The following KIAA0825 variants were observed in gnomAD, a reference collection of about 807,000 sequenced individuals.
The protein encoded by KIAA0825 is uncharacterized protein KIAA0825.
KIAA0825 carries 119 observed loss-of-function variants against 147.6 expected under a neutral mutation model. That is an observed-to-expected ratio of 0.81 (90% CI 0.69 to 0.94). The LOEUF is 0.94. KIAA0825 is among the 40% of genes least tolerant of loss of function. The pLI is 0.00. For synonymous variants in KIAA0825, 470 were observed against 518.1 expected (o/e 0.91, Z 1.26); for missense variants, 1,381 against 1,472.7 (o/e 0.94, Z 1.02).
At chr5:94,465,183 C>A in intron 10 of KIAA0825, 124 bp from the exon 11 acceptor site, 1 of 789,304 alleles carries the variant, frequency 1.3e-6, no homozygotes. Context: ...ACTAGAAGAC[C>A]AACAAAGATT....
At chr5:94,241,009 A>T (rs1168073748) in intron 20 of KIAA0825, among the ~76,000 whole-genome samples, 1 of 152,192 alleles carries the variant, frequency 6.6e-6, no homozygotes, top group Non-Finnish European at 1.5e-5. Context: ...TATTGCTGAT[A>T]GTTTTGTGCC....
intron 20 of KIAA0825, among the ~76,000 whole-genome samples, chr5:94,155,652 C>T (rs1391264129): frequency 6.6e-6 from 1 of 152,088 alleles, no homozygotes; most frequent in Non-Finnish European, 1.5e-5. Context: ...AAAAGTGACA[C>T]CTGGTTTCAA....
chr5:94,401,476 T>C (rs1751366548), intron 16 of KIAA0825, among the ~76,000 whole-genome samples: 1 of 152,098 alleles, frequency 6.6e-6, no homozygotes, highest in South Asian at 2.1e-4. Flanking sequence ...GAGTCTGTAA[T>C]ACAAAGGACA....
chr5:94,369,627 A>G (rs963418705), intron 20 of KIAA0825, among the ~76,000 whole-genome samples: 2 of 152,218 alleles, frequency 1.3e-5, no homozygotes, highest in African/African-American at 4.8e-5. Context: ...AAGGGGAGAT[A>G]AATGTAACTG....
chr5:94,394,578 T>C (rs1043375651), intron 17 of KIAA0825, among the ~76,000 whole-genome samples: 1 of 152,210 alleles, frequency 6.6e-6, no homozygotes, highest in Non-Finnish European at 1.5e-5. Context: ...TATGTACCCC[T>C]AGGTATATTA....
intron 3 of KIAA0825, among the ~76,000 whole-genome samples, chr5:94,524,971 TC>T (rs2151245518): frequency 6.6e-6 from 1 of 151,914 alleles, no homozygotes; most frequent in South Asian, 2.1e-4. Flanking sequence ...TGATTATAAA[TC>T]TTTGTGGGGT....
chr5:94,383,176 C>G (rs1748657046), intron 20 of KIAA0825, among the ~76,000 whole-genome samples: 1 of 152,162 alleles, frequency 6.6e-6, no homozygotes, highest in African/African-American at 2.4e-5. Flanking sequence ...AGGTGGTAAG[C>G]TTGCTGGGGA....
chr5:94,516,801 A>AAAAAG lies in KIAA0825; in HGVS notation c.970+3442_970+3446dup, dbSNP rs1421236107. On this transcript the variant is annotated intron_variant, in intron 5 of 20. Coordinates refer to ENST00000682413, the MANE Select transcript of KIAA0825 (RefSeq NM_001145678.3). ...CGAGACTCCGTCTCAAAAAAAAAAA[A>AAAAAG]AAAAGAAAAGAAAACGTGGCCAGGC... 2.2e-4 allele frequency among the ~76,000 whole-genome samples: 32 copies of AAAAAG among 147,578 alleles called. No individual in the cohort carries two copies. The South Asian group carries it at 6.7e-3, about 31-fold the overall frequency.
At chr5:94,484,953 C>G in intron 5 of KIAA0825, 23 bp from the exon 6 acceptor site, 3 of 1,417,826 alleles carry the variant, frequency 2.1e-6, no homozygotes, top group Non-Finnish European at 2.8e-6. Context: ...AAGATCAATA[C>G]TGTCATACAT....
chr5:94,429,868 G>A (rs996359007), intron 14 of KIAA0825, among the ~76,000 whole-genome samples: 16 of 152,220 alleles, frequency 1.1e-4, no homozygotes, highest in Admixed American at 7.2e-4. Flanking sequence ...GCCTAAACTT[G>A]TAATCTAGGA....
chr5:94,580,554 T>C (rs1781896978), intron 2 of KIAA0825, among the ~76,000 whole-genome samples: 1 of 151,690 alleles, frequency 6.6e-6, no homozygotes, highest in African/African-American at 2.4e-5. Flanking sequence ...GCTGCTCCTT[T>C]GTCTGCTGTG....
intron 20 of KIAA0825, among the ~76,000 whole-genome samples, chr5:94,197,999 T>C (rs1771301282): frequency 6.6e-6 from 1 of 152,228 alleles, no homozygotes; most frequent in African/African-American, 2.4e-5. Flanking sequence ...TTTTTCTAGT[T>C]CTGTGTAAAA....
At chr5:94,203,032 T>C (rs1434572799) in intron 20 of KIAA0825, among the ~76,000 whole-genome samples, 1 of 152,226 alleles carries the variant, frequency 6.6e-6, no homozygotes, top group Non-Finnish European at 1.5e-5. Context: ...GTTTTAATGA[T>C]GGCATCCATG....
At chr5:94,442,746 T>C (rs1376998258) in intron 13 of KIAA0825, among the ~76,000 whole-genome samples, 1 of 152,174 alleles carries the variant, frequency 6.6e-6, no homozygotes, top group Non-Finnish European at 1.5e-5. Flanking sequence ...TATATTATGC[T>C]TGAGTTGAGT....
intron 20 of KIAA0825, among the ~76,000 whole-genome samples, chr5:94,206,500 A>G (rs924323525): frequency 4.6e-5 from 7 of 152,162 alleles, no homozygotes; most frequent in African/African-American, 1.7e-4. Context: ...TTTTGCTGAT[A>G]CAGTAAGCAG....
intron 20 of KIAA0825, among the ~76,000 whole-genome samples, chr5:94,188,324 T>C (rs1770348912): frequency 6.6e-6 from 1 of 152,234 alleles, no homozygotes; most frequent in Non-Finnish European, 1.5e-5. Context: ...AATTTGTAAG[T>C]ATTTGGACCT....
chr5:94,540,555 A>G (rs1429518774), intron 2 of KIAA0825, among the ~76,000 whole-genome samples: 4 of 152,156 alleles, frequency 2.6e-5, no homozygotes, highest in African/African-American at 9.7e-5. Flanking sequence ...CTGTGTATTT[A>G]TATGTGTTGT....
chr5:94,194,713 C>G (rs1371336629), intron 20 of KIAA0825, among the ~76,000 whole-genome samples: 2 of 152,136 alleles, frequency 1.3e-5, no homozygotes, highest in Admixed American at 1.3e-4. Flanking sequence ...CTTCTCATTC[C>G]CCTAACCTAA....
chr5:94,473,206 G>C lies in KIAA0825; in HGVS notation c.1455+86C>G, dbSNP rs1316061476. 2.9e-6 allele frequency: 3 copies of C among 1,026,520 alleles called. No homozygotes were observed. In the African/African-American group the frequency reaches 4.8e-5, roughly 16 times the overall value. 63.6% of individuals were successfully genotyped at this position (1,026,520 alleles called of 1,614,324 possible). ...TACTTGCCAAGGGACTCCACCATTTGATCTACAGGTCCTTTTTGCAATGCC... is the reference window on the plus strand; with the variant it reads ...TACTTGCCAAGGGACTCCACCATTTCATCTACAGGTCCTTTTTGCAATGCC... On this transcript the variant is annotated intron_variant, in intron 8 of 20. Transcript: ENST00000682413.
Sources: gnomAD v4.1 joint callset for allele counts (sites outside exome capture counted in the v4.1 genomes callset) on GRCh38, gnomAD v4.1.1 for gene constraint, MANE v1.5 for transcripts, NCBI Gene and HGNC (gene_info 2026-07-23, HGNC 2026-07-21) for gene names.